SUGCT: variants seen among roughly 807,000 people sequenced by gnomAD.
SUGCT encodes succinyl-CoA:glutarate CoA-transferase.
In SUGCT, 41 loss-of-function variants were observed where a neutral mutation model predicts 55.0. The observed-to-expected ratio is 0.74, with a 90% CI of 0.58 to 0.97. SUGCT has a LOEUF of 0.97. Ranked by LOEUF, SUGCT falls within the 50% of genes least tolerant of loss-of-function variation. The probability of loss-of-function intolerance (pLI) is 0.00; values close to 1 mark genes in which losing one functional copy is unlikely to be tolerated. For synonymous variants in SUGCT, 187 were observed against 200.4 expected (o/e 0.93, Z 0.56); for missense variants, 568 against 547.8 (o/e 1.04, Z -0.37).
chr7:40,163,665 C>G (rs1485696666), intron 1 of SUGCT, among the ~76,000 whole-genome samples: 1 of 150,478 alleles, frequency 6.6e-6, no homozygotes, highest in East Asian at 1.9e-4. Context: ...TTTTTTTGAA[C>G]AAAAATGGTG....
At chr7:40,902,279 A>G in the SUGCT span, among the ~76,000 whole-genome samples, 1 of 152,180 alleles carries the variant, frequency 6.6e-6, no homozygotes, top group South Asian at 2.1e-4. Flanking sequence ...ATATTTTTCA[A>G]TTAAAAAAAT....
intron 6 of SUGCT, among the ~76,000 whole-genome samples, chr7:40,233,799 C>T (rs896176332): frequency 1.3e-5 from 2 of 152,034 alleles, no homozygotes; most frequent in African/African-American, 4.8e-5. Flanking sequence ...CAAATTAAAT[C>T]CTCATAAGAA....
chr7:40,238,080 C>T lies in SUGCT; in HGVS notation c.576+354C>T, dbSNP rs115774103. Among the ~76,000 whole-genome samples the T allele has an allele frequency of 7.1e-3, 1,084 of 152,218 alleles. 16 individuals are homozygous for T. The highest frequency in any genetic ancestry group is 0.025 in the African/African-American group (1,025 of 41,536). On this transcript the variant is annotated intron_variant, in intron 7 of 13. Coordinates refer to ENST00000335693, the MANE Select transcript of SUGCT (RefSeq NM_001193313.2). ...CCTTTGTGTGATTTAGGAATATTCC[C>T]TCTTTGAAATAAAACAGTTGACTAG...
At chr7:40,158,566 T>C (rs1784005359) in intron 1 of SUGCT, among the ~76,000 whole-genome samples, 1 of 152,114 alleles carries the variant, frequency 6.6e-6, no homozygotes, top group Non-Finnish European at 1.5e-5. Flanking sequence ...GCCTGACCAA[T>C]GTAGTGAAAC....
At chr7:40,272,095 C>CTATATA (rs1224826122) in intron 7 of SUGCT, among the ~76,000 whole-genome samples, 1 of 85,414 alleles carries the variant, frequency 1.2e-5, no homozygotes, top group African/African-American at 4.7e-5. Flanking sequence ...CTCTCTCTCT[C>CTATATA]TATATATATA....
chr7:40,774,789 A>C (rs905060050), intron 13 of SUGCT, among the ~76,000 whole-genome samples: 20 of 152,186 alleles, frequency 1.3e-4, no homozygotes, highest in African/African-American at 3.4e-4. Flanking sequence ...AAAAAAAAAA[A>C]AAACCCACAA....
At chr7:40,997,483 T>TTAGAATAAGCTAC in the SUGCT span, among the ~76,000 whole-genome samples, 5 of 152,114 alleles carry the variant, frequency 3.3e-5, no homozygotes, top group Admixed American at 6.6e-5. Flanking sequence ...ACCAGACTGC[T>TTAGAATAAGCTAC]CATGGTTCAC....
chr7:40,271,762 GAAC>G (rs1277636889), intron 7 of SUGCT, among the ~76,000 whole-genome samples: 2 of 151,750 alleles, frequency 1.3e-5, no homozygotes, highest in African/African-American at 4.8e-5. Flanking sequence ...CTGATCTACT[GAAC>G]AACAATTCTT....
intron 1 of SUGCT, among the ~76,000 whole-genome samples, chr7:40,155,908 A>T (rs1005118273): frequency 6.7e-6 from 1 of 148,410 alleles, no homozygotes; most frequent in South Asian, 2.1e-4. Context: ...CCCAGGCTAG[A>T]GTGCAGCGGC....
chr7:40,567,105 A>C (rs1048787217), intron 12 of SUGCT, among the ~76,000 whole-genome samples: 1 of 152,258 alleles, frequency 6.6e-6, no homozygotes, highest in Non-Finnish European at 1.5e-5. Flanking sequence ...CAGATGTTTT[A>C]ACTTACAGTT....
intron 9 of SUGCT, among the ~76,000 whole-genome samples, chr7:40,363,792 G>C (rs1411330718): frequency 6.6e-6 from 1 of 152,134 alleles, no homozygotes; most frequent in East Asian, 1.9e-4. Context: ...ATATTCTGTT[G>C]ATTTGGGGTG....
intron 12 of SUGCT, among the ~76,000 whole-genome samples, chr7:40,687,340 G>A (rs1784509363): frequency 6.6e-6 from 1 of 152,150 alleles, no homozygotes; most frequent in South Asian, 2.1e-4. Flanking sequence ...CTTGTTTTGA[G>A]TTTTGTCTCC....
chr7:40,592,918 A>G (rs1584078785), intron 12 of SUGCT, among the ~76,000 whole-genome samples: 1 of 152,196 alleles, frequency 6.6e-6, no homozygotes, highest in Admixed American at 6.5e-5. Context: ...TAATTTTTAC[A>G]TTTTGACACT....
At chr7:40,761,091 A>G (rs77937591) in intron 13 of SUGCT, among the ~76,000 whole-genome samples, 1,984 of 152,310 alleles carry the variant, frequency 0.013, 23 homozygotes, top group Non-Finnish European at 0.021. Context: ...TCGTTTAACA[A>G]ATGTTTATCC....
intron 1 of SUGCT, among the ~76,000 whole-genome samples, chr7:40,150,806 CT>C (rs1476540283): frequency 1.0e-3 from 158 of 152,326 alleles, no homozygotes; most frequent in African/African-American, 3.5e-3. Context: ...TGCAATTTCC[CT>C]GTCTTGATGA....
At chr7:40,801,353 G>A (rs1563013264) in intron 13 of SUGCT, among the ~76,000 whole-genome samples, 1 of 152,166 alleles carries the variant, frequency 6.6e-6, no homozygotes, top group African/African-American at 2.4e-5. Flanking sequence ...TCTTGTGGGG[G>A]GGAGGTCTGA....
At position 40,583,927 on chromosome 7, in the gene SUGCT, C is replaced by T. The variant is rs151227725; in HGVS notation, c.1089+87541C>T. Among the ~76,000 whole-genome samples, 847 of 152,288 alleles carry T rather than the reference C, an allele frequency of 5.6e-3. 6 individuals carry two copies. Among genetic ancestry groups the T allele is most frequent in the Non-Finnish European group, 8.6e-3 (588 of 68,016 alleles). ...AGGGAATTTTTACTTGCCAGGATGCCTGCTTCATGGAAAATATTGTGTCTA... is the reference window on the plus strand; with the variant it reads ...AGGGAATTTTTACTTGCCAGGATGCTTGCTTCATGGAAAATATTGTGTCTA... On this transcript the variant is annotated intron_variant, in intron 12 of 13. Coordinates refer to ENST00000335693, the MANE Select transcript of SUGCT (RefSeq NM_001193313.2).
intron 1 of SUGCT, among the ~76,000 whole-genome samples, chr7:40,174,683 C>G (rs185445031): frequency 2.0e-3 from 303 of 152,262 alleles, no homozygotes; most frequent in African/African-American, 6.9e-3. Flanking sequence ...TATAAAACAT[C>G]TAAAGTACAG....
At chr7:40,681,438 C>T (rs756574019) in intron 12 of SUGCT, among the ~76,000 whole-genome samples, 5 of 152,196 alleles carry the variant, frequency 3.3e-5, no homozygotes, top group Admixed American at 1.3e-4. Context: ...GAGAGTGGCA[C>T]GCTTTGTTAT....
Sources: allele counts gnomAD v4.1 joint callset (sites outside exome capture counted in the v4.1 genomes callset), GRCh38; gene constraint gnomAD v4.1.1; transcripts MANE v1.5; gene names NCBI Gene and HGNC (gene_info 2026-07-23, HGNC 2026-07-21).